The following G6PC1 variants were observed in gnomAD, a reference collection of about 807,000 sequenced individuals.
The protein encoded by G6PC1 is G-6-Pase.
In G6PC1, 23 loss-of-function variants were observed where a neutral mutation model predicts 30.4. The observed-to-expected ratio is 0.76, with a 90% CI of 0.55 to 1.07. G6PC1 has a LOEUF of 1.07. G6PC1 is among the 50% of genes least tolerant of loss of function. G6PC1 has a pLI of 0.00. For synonymous variants in G6PC1, 163 were observed against 175.6 expected (o/e 0.93, Z 0.57); for missense variants, 391 against 433.9 (o/e 0.90, Z 0.88).
chr17:42,905,441 T>TACACAC (rs1475508893), intron 2 of G6PC1, among the ~76,000 whole-genome samples: 6 of 103,282 alleles, frequency 5.8e-5, no homozygotes, highest in African/African-American at 2.3e-4. Flanking sequence ...TATATATATA[T>TACACAC]ATACACACAC....
In G6PC1 at chr17:42,911,812, C is replaced by T; in HGVS notation, c.*386C>T. 1 of 314,934 alleles carries T rather than the reference C, an allele frequency of 3.2e-6. No homozygotes were observed. The highest frequency in any genetic ancestry group is 3.4e-5 in the South Asian group (1 of 29,612). The allele number at this position is 314,934 out of a possible 1,614,324, so 19.5% of individuals were successfully genotyped here. A position where few individuals can be genotyped will look rare whatever the true frequency, so the allele number is the denominator to read the frequency against. ...CAGAGGTGCTGTCAGCTCAGGTGGT[C>T]CTCTTTTACAATCCTAATCATATTG... On this transcript the variant is annotated 3_prime_UTR_variant, in exon 5 of 5. Transcript: ENST00000253801.
At chr17:42,903,332 C>A (rs2056038890) in intron 1 of G6PC1, among the ~76,000 whole-genome samples, 1 of 151,950 alleles carries the variant, frequency 6.6e-6, no homozygotes, top group Admixed American at 6.6e-5. Context: ...GATCTGCCTG[C>A]CTTGGCCTCC....
Position 42,900,858 on chromosome 17 carries a change from A to G in G6PC1, c.-19A>G, listed in dbSNP as rs571324259. On this transcript the variant is annotated 5_prime_UTR_variant, in exon 1 of 5. Transcript: ENST00000253801. ...CAAGGGCTCTGCTGACATCTTCCTG[A>G]GGTGCCAAGGAAATGAGGATGGAGG... The G allele has an allele frequency of 6.3e-7, 1 of 1,596,630 alleles. No homozygotes were observed. Among genetic ancestry groups the G allele is most frequent in the African/African-American group, 1.3e-5 (1 of 74,688 alleles).
intron 4 of G6PC1, 104 bp from the exon 5 acceptor site, chr17:42,910,811 C>T: frequency 9.0e-7 from 1 of 1,114,040 alleles, no homozygotes; most frequent in Non-Finnish European, 1.4e-6. Flanking sequence ...GATTTAATTC[C>T]ACAGTCGCAG....
chr17:42,904,899 G>A (rs866441484), intron 2 of G6PC1, among the ~76,000 whole-genome samples: 8 of 152,162 alleles, frequency 5.3e-5, no homozygotes, highest in African/African-American at 1.9e-4. Context: ...ATCACCTGAG[G>A]TCAGGAGTTC....
chr17:42,909,204 G>C lies in G6PC1; in HGVS notation c.447-99G>C, dbSNP rs542754290. 102 of 891,204 alleles carry C rather than the reference G, an allele frequency of 1.1e-4. No homozygotes were observed. In the African/African-American group the frequency reaches 1.6e-3, roughly 14 times the overall value. The allele number at this position is 891,204 out of a possible 1,614,324, so 55.2% of individuals were successfully genotyped here. ...TTAATTTACAAAAATTCCACTGAGA[G>C]CACCTAAGTTTGCCAGGCTCCAACA... is the stretch of plus-strand genomic sequence containing the variant. On this transcript the variant is annotated intron_variant, in intron 3 of 4. Transcript: ENST00000253801.
rs886052958 is a variant in G6PC1 at position 42,911,637 on chromosome 17, T to C, written c.*211T>C. ...TGCCCTCAGCACAGACTCTTTCAGATGGAGGTGCCATATCACGTACACCAT... is the reference window on the plus strand; with the variant it reads ...TGCCCTCAGCACAGACTCTTTCAGACGGAGGTGCCATATCACGTACACCAT... On this transcript the variant is annotated 3_prime_UTR_variant, in exon 5 of 5. Transcript: ENST00000253801. The C allele has an allele frequency of 1.1e-5, 7 of 659,522 alleles. No individual in the cohort carries two copies. The highest frequency in any genetic ancestry group is 1.0e-4 in the Admixed American group (4 of 38,778). 40.9% of individuals were successfully genotyped at this position (659,522 alleles called of 1,614,324 possible).
Position 42,911,359 on chromosome 17 carries a change from C to T in G6PC1, c.1007C>T (p.Ala336Val). 6.2e-7 allele frequency: 1 copy of T among 1,614,230 alleles called. No individual in the cohort carries two copies. Among genetic ancestry groups the T allele is most frequent in the Non-Finnish European group, 8.5e-7 (1 of 1,180,040 alleles). ...TGCAAGAGTGCGGTAGTGCCCCTGG[C>T]ATCCGTCAGTGTCATCCCCTACTGC... Reference protein sequence around the residue: ...SFCKSAVVPLASVSVIPYCLA... With the variant: ...SFCKSAVVPLVSVSVIPYCLA... The change falls in exon 5 of 5, where the codon GCA becomes GTA. Residue 336 changes from alanine to valine, a missense_variant. Transcript: ENST00000253801.
chr17:42,903,791 C>T (rs2056041665), intron 1 of G6PC1, 140 bp from the exon 2 acceptor site: 2 of 702,868 alleles, frequency 2.8e-6, no homozygotes, highest in African/African-American at 3.5e-5. Context: ...CTCCCTCTCA[C>T]ACTTCTCCCC....
At chr17:42,909,791 A>G (rs554039180) in intron 4 of G6PC1, among the ~76,000 whole-genome samples, 1 of 152,316 alleles carries the variant, frequency 6.6e-6, no homozygotes, top group South Asian at 2.1e-4. Flanking sequence ...TCATTTAAAT[A>G]CATTCATTTG....
At chr17:42,907,431 T>G (rs2151931105) in intron 2 of G6PC1, 92 bp from the exon 3 acceptor site, 1 of 793,992 alleles carries the variant, frequency 1.3e-6, no homozygotes. Flanking sequence ...GATGGGTGGA[T>G]AGGGGGATGG....
At chr17:42,909,553 T>C (rs567660563) in intron 4 of G6PC1, 135 bp downstream of exon 4, 21 of 752,314 alleles carry the variant, frequency 2.8e-5, no homozygotes, top group Non-Finnish European at 4.6e-5. Flanking sequence ...GGGTTGAAAG[T>C]CAAGAATGAG....
intron 2 of G6PC1, chr17:42,904,349 G>C (rs2056045798): frequency 2.5e-6 from 1 of 395,946 alleles, no homozygotes; most frequent in Non-Finnish European, 4.8e-6. Flanking sequence ...GAGCTTCTGG[G>C]GGTCCTTCCC....
intron 1 of G6PC1, among the ~76,000 whole-genome samples, chr17:42,902,138 G>A (rs1360847577): frequency 1.3e-5 from 2 of 152,094 alleles, no homozygotes; most frequent in Admixed American, 6.6e-5. Context: ...ACTATGTTAC[G>A]TCCAGTGCTG....
At position 42,907,451 on chromosome 17, in the gene G6PC1, TG is replaced by T. The variant is rs979617773; in HGVS notation, c.341-69del. On this transcript the variant is annotated intron_variant, in intron 2 of 4. Coordinates refer to ENST00000253801, the MANE Select transcript of G6PC1 (RefSeq NM_000151.4). ...GTGGATAGGGGGATGGCTGGGTGGCTGGGTAGATGATGCACTGTCTCCCAGA... is the reference window on the plus strand; with the variant it reads ...GTGGATAGGGGGATGGCTGGGTGGCTGGTAGATGATGCACTGTCTCCCAGA... 61 of 1,004,842 alleles carry T rather than the reference TG, an allele frequency of 6.1e-5. 1 individual carries two copies. In the African/African-American group the frequency reaches 9.2e-4, roughly 15 times the overall value. The allele number at this position is 1,004,842 out of a possible 1,614,324, so 62.2% of individuals were successfully genotyped here.
Position 42,911,733 on chromosome 17 carries a change from A to C in G6PC1, c.*307A>C. 1 of 442,266 alleles carries C rather than the reference A, an allele frequency of 2.3e-6. No homozygotes were observed. Among genetic ancestry groups the C allele is most frequent in the East Asian group, 4.6e-5 (1 of 21,520 alleles). 27.4% of individuals were successfully genotyped at this position (442,266 alleles called of 1,614,324 possible). Reference sequence around the variant, plus strand: ...TCTCACAAGTAGGGAGCTCACTCCCACTGGAACAGCCCATTTTATCTTTGA... The same window carrying C: ...TCTCACAAGTAGGGAGCTCACTCCCCCTGGAACAGCCCATTTTATCTTTGA... On this transcript the variant is annotated 3_prime_UTR_variant, in exon 5 of 5. Coordinates refer to ENST00000253801, the MANE Select transcript of G6PC1 (RefSeq NM_000151.4).
At chr17:42,908,346 CA>C in intron 3 of G6PC1, among the ~76,000 whole-genome samples, 1 of 149,642 alleles carries the variant, frequency 6.7e-6, no homozygotes, top group Non-Finnish European at 1.5e-5. Context: ...CCTTAATTAT[CA>C]AACAGATAAA....
intron 3 of G6PC1, 28 bp downstream of exon 3, chr17:42,907,656 G>C (rs1275586367): frequency 4.0e-6 from 6 of 1,496,256 alleles, no homozygotes; most frequent in Non-Finnish European, 5.6e-6. Flanking sequence ...GGGTGTAGGT[G>C]GTGGAGGGCA....
chr17:42,910,778 C>T (rs368509842), intron 4 of G6PC1, 137 bp from the exon 5 acceptor site: 11 of 818,072 alleles, frequency 1.3e-5, no homozygotes, highest in Admixed American at 5.8e-5. Flanking sequence ...ATAAGCCAGG[C>T]GACCCTCCCA....
Sources: allele counts gnomAD v4.1 joint callset (sites outside exome capture counted in the v4.1 genomes callset), GRCh38; gene constraint gnomAD v4.1.1; transcripts MANE v1.5; gene names NCBI Gene and HGNC (gene_info 2026-07-23, HGNC 2026-07-21).